NRXN3: variants seen among roughly 807,000 people sequenced by gnomAD.
NRXN3 encodes neurexin III.
Under a neutral mutation model 137.6 loss-of-function variants are expected in NRXN3, and 32 were observed. The ratio of observed to expected loss-of-function variants is 0.23; its 90% CI spans 0.18 to 0.31. The LOEUF (loss-of-function observed/expected upper bound fraction) is 0.31. Among genes scored for constraint, NRXN3 ranks in the 10% least tolerant of loss-of-function variants. The probability of loss-of-function intolerance (pLI) is 1.00; values close to 1 mark genes in which losing one functional copy is unlikely to be tolerated. For missense variants in NRXN3, 1,574 were observed against 2,062.5 expected (o/e 0.76, Z 4.59); for synonymous variants, 798 against 784.5 (o/e 1.02, Z -0.29).
chr14:79,147,194 T>G (rs2059379983), intron 15 of NRXN3, among the ~76,000 whole-genome samples: 1 of 152,210 alleles, frequency 6.6e-6, no homozygotes. Context: ...CTGCAGTGAC[T>G]GCTGTGTGCA....
chr14:78,265,766 G>A (rs1282273969), intron 2 of NRXN3, among the ~76,000 whole-genome samples: 1 of 152,174 alleles, frequency 6.6e-6, no homozygotes, highest in Non-Finnish European at 1.5e-5. Context: ...CTGAGTGTAC[G>A]TGTTAATTCC....
At chr14:78,821,379 G>A (rs774320695) in intron 10 of NRXN3, among the ~76,000 whole-genome samples, 2 of 152,150 alleles carry the variant, frequency 1.3e-5, no homozygotes, top group Non-Finnish European at 2.9e-5. Flanking sequence ...CTTATTTCCT[G>A]TGAGGGGTTT....
chr14:78,261,357 C>A (rs1447802497), intron 2 of NRXN3, among the ~76,000 whole-genome samples: 1 of 152,190 alleles, frequency 6.6e-6, no homozygotes, highest in Non-Finnish European at 1.5e-5. Flanking sequence ...GAGAAACATA[C>A]AAGCTGCCCT....
intron 17 of NRXN3, among the ~76,000 whole-genome samples, chr14:79,672,321 T>G (rs974498199): frequency 6.6e-6 from 1 of 152,004 alleles, no homozygotes; most frequent in African/African-American, 2.4e-5. Flanking sequence ...AAATGAATAA[T>G]TAAAAATTTG....
chr14:78,493,277 T>A (rs1056725653), intron 4 of NRXN3, among the ~76,000 whole-genome samples: 1 of 151,050 alleles, frequency 6.6e-6, no homozygotes, highest in African/African-American at 2.4e-5. Context: ...ATCCCAGCAC[T>A]TTGGGAGGAT....
At chr14:79,261,436 A>G (rs1179610675) in intron 15 of NRXN3, among the ~76,000 whole-genome samples, 28 of 152,114 alleles carry the variant, frequency 1.8e-4, no homozygotes, top group Admixed American at 1.8e-3. Flanking sequence ...GGCACAGAGA[A>G]GGAGAGATTT....
intron 15 of NRXN3, among the ~76,000 whole-genome samples, chr14:79,013,608 T>C (rs997786457): frequency 2.6e-5 from 4 of 152,182 alleles, no homozygotes; most frequent in African/African-American, 9.6e-5. Context: ...TCAGGGTCTT[T>C]ATTAGACTGA....
intron 4 of NRXN3, among the ~76,000 whole-genome samples, chr14:78,323,739 A>C (rs149764995): frequency 6.6e-6 from 1 of 152,100 alleles, no homozygotes; most frequent in East Asian, 1.9e-4. Context: ...AGGCCTTGTG[A>C]ATAAAGATAA....
intron 16 of NRXN3, among the ~76,000 whole-genome samples, chr14:79,589,443 AT>A (rs200709674): frequency 8.8e-5 from 13 of 147,314 alleles, no homozygotes; most frequent in East Asian, 4.0e-4. Context: ...GGCTTATTCC[AT>A]TTTTTTTTCC....
chr14:78,330,628 T>C (rs1260638490), intron 4 of NRXN3, among the ~76,000 whole-genome samples: 1 of 152,192 alleles, frequency 6.6e-6, no homozygotes, highest in Non-Finnish European at 1.5e-5. Flanking sequence ...AAATAAGGTA[T>C]GCCATAGTGC....
intron 15 of NRXN3, among the ~76,000 whole-genome samples, chr14:79,051,029 T>G (rs2099641089): frequency 6.6e-6 from 1 of 152,228 alleles, no homozygotes; most frequent in African/African-American, 2.4e-5. Flanking sequence ...GAGGGGATAC[T>G]ATTGTTATCC....
chr14:78,801,756 T>C (rs1431010592), intron 8 of NRXN3, among the ~76,000 whole-genome samples: 1 of 152,226 alleles, frequency 6.6e-6, no homozygotes, highest in African/African-American at 2.4e-5. Context: ...CTACCTGATC[T>C]ACCTGTTCAA....
intron 6 of NRXN3, among the ~76,000 whole-genome samples, chr14:78,664,809 A>G (rs1357411394): frequency 6.6e-6 from 1 of 152,226 alleles, no homozygotes; most frequent in East Asian, 1.9e-4. Flanking sequence ...AGATTTATGT[A>G]GATTGCATAT....
chr14:79,608,561 CTTG>C (rs2098054233), intron 16 of NRXN3, among the ~76,000 whole-genome samples: 1 of 152,146 alleles, frequency 6.6e-6, no homozygotes, highest in Non-Finnish European at 1.5e-5. Context: ...TAAGCAGAGA[CTTG>C]TTGTTGGTAA....
intron 15 of NRXN3, among the ~76,000 whole-genome samples, chr14:79,168,491 TATG>T (rs1347486858): frequency 2.0e-5 from 3 of 152,082 alleles, no homozygotes; most frequent in Non-Finnish European, 2.9e-5. Flanking sequence ...ATGTTAAAAT[TATG>T]ATAATTATAT....
chr14:78,483,181 A>G (rs2095501859), intron 4 of NRXN3, among the ~76,000 whole-genome samples: 1 of 152,222 alleles, frequency 6.6e-6, no homozygotes, highest in African/African-American at 2.4e-5. Flanking sequence ...TAAGCAAAAC[A>G]GAACAACAAA....
At chr14:78,265,677 C>G (rs1287134998) in intron 2 of NRXN3, among the ~76,000 whole-genome samples, 1 of 152,130 alleles carries the variant, frequency 6.6e-6, no homozygotes, top group East Asian at 1.9e-4. Flanking sequence ...ACCAGTACCC[C>G]AGCAGAGGCA....
intron 3 of NRXN3, among the ~76,000 whole-genome samples, chr14:78,292,568 C>T (rs750074646): frequency 2.6e-5 from 4 of 152,230 alleles, no homozygotes; most frequent in Admixed American, 6.5e-5. Flanking sequence ...TGACATCAAA[C>T]GGGAGACACT....
chr14:78,977,637 C>A (rs1268524228), intron 14 of NRXN3, among the ~76,000 whole-genome samples: 3 of 152,182 alleles, frequency 2.0e-5, no homozygotes, highest in Non-Finnish European at 4.4e-5. Context: ...CTCACTCTTA[C>A]AAATACCCTA....
Sources: gnomAD v4.1 joint callset for allele counts (sites outside exome capture counted in the v4.1 genomes callset) on GRCh38, gnomAD v4.1.1 for gene constraint, MANE v1.5 for transcripts, NCBI Gene and HGNC (gene_info 2026-07-23, HGNC 2026-07-21) for gene names.